Variants in PFKP observed in about 807,000 individuals in gnomAD.
The protein encoded by PFKP is phosphofructokinase, platelet.
In PFKP, 101 loss-of-function variants were observed where a neutral mutation model predicts 94.3. That is an observed-to-expected ratio of 1.07 (90% CI 0.91 to 1.26). The LOEUF is 1.26. Ranked by LOEUF, PFKP falls within the 50% of genes most tolerant of loss-of-function variation. The probability of loss-of-function intolerance (pLI) is 0.00; values close to 1 mark genes in which losing one functional copy is unlikely to be tolerated. For synonymous variants in PFKP, 573 were observed against 432.6 expected (o/e 1.32, Z -4.03); for missense variants, 1,145 against 1,103.3 (o/e 1.04, Z -0.53).
At chr10:3,102,291 C>G (rs968340654) in intron 4 of PFKP, among the ~76,000 whole-genome samples, 2 of 145,716 alleles carry the variant, frequency 1.4e-5, no homozygotes, top group East Asian at 2.0e-4. Flanking sequence ...TGCCACAGGA[C>G]TTTAATTTAT....
chr10:3,103,817 C>A lies in PFKP; in HGVS notation c.493C>A (p.Leu165Ile). ...DKEAVQKYAY[L>I]NVVGMVGSID... ...GGAGGCCGTGCAGAAGTACGCCTACCTCAACGTGGTGGGCATGGTGGGCTC... is the reference window on the plus strand; with the variant it reads ...GGAGGCCGTGCAGAAGTACGCCTACATCAACGTGGTGGGCATGGTGGGCTC... The change falls in exon 5 of 22, where the codon CTC (leucine) becomes ATC (isoleucine). Residue 165 changes from leucine (L) to isoleucine (I), a missense_variant. This residue lies in a region of PFKP where 1,119 missense variants were observed against 1,062.8 expected (regional missense o/e 1.05). Transcript: ENST00000381125. 4 of 1,614,032 alleles carry A rather than the reference C, an allele frequency of 2.5e-6. No homozygotes were observed. Among genetic ancestry groups the A allele is most frequent in the Non-Finnish European group, 3.4e-6 (4 of 1,180,034 alleles).
At chr10:3,103,102 A>G (rs1247169452) in intron 4 of PFKP, among the ~76,000 whole-genome samples, 1 of 152,222 alleles carries the variant, frequency 6.6e-6, no homozygotes, top group Non-Finnish European at 1.5e-5. Flanking sequence ...AAGATGGCCT[A>G]GTGTCTTAGA....
At chr10:3,122,383 A>AG (rs1249195884) in intron 16 of PFKP, among the ~76,000 whole-genome samples, 1 of 151,000 alleles carries the variant, frequency 6.6e-6, no homozygotes, top group East Asian at 1.9e-4. Flanking sequence ...AAAGCCGCTG[A>AG]GGGTCCCTCT....
intron 5 of PFKP, chr10:3,104,589 T>C (rs1835356746): frequency 5.0e-6 from 1 of 198,288 alleles, no homozygotes; most frequent in African/African-American, 2.4e-5. Context: ...ACATTCTCAG[T>C]GCGTGGGCGT....
intron 1 of PFKP, chr10:3,069,516 A>G (rs1389739493): frequency 3.8e-6 from 3 of 799,362 alleles, no homozygotes; most frequent in African/African-American, 1.7e-5. Context: ...AACCTTTGGC[A>G]CAGGAAGAGG....
intron 13 of PFKP, among the ~76,000 whole-genome samples, chr10:3,116,302 C>T (rs372882679): frequency 1.2e-3 from 177 of 152,290 alleles, no homozygotes; most frequent in African/African-American, 2.5e-3. Context: ...AGCTGGGGTT[C>T]GAGCCCCACG....
intron 5 of PFKP, among the ~76,000 whole-genome samples, 186 bp downstream of exon 5, chr10:3,104,130 A>G (rs1476209757): frequency 6.6e-6 from 1 of 152,246 alleles, no homozygotes; most frequent in African/African-American, 2.4e-5. Flanking sequence ...ATTTTAAAAC[A>G]TTCCTTGTTT....
intron 1 of PFKP, among the ~76,000 whole-genome samples, chr10:3,071,061 C>T (rs1471720299): frequency 1.3e-5 from 2 of 152,102 alleles, no homozygotes; most frequent in Non-Finnish European, 2.9e-5. Flanking sequence ...TCCACCATCT[C>T]CACCATGTTT....
chr10:3,067,750 G>A, intron 1 of PFKP, 43 bp downstream of exon 1: 1 of 1,088,534 alleles, frequency 9.2e-7, no homozygotes, highest in Non-Finnish European at 1.3e-6. Flanking sequence ...ACGGACGGAC[G>A]GAGCTGGGGA....
At chr10:3,126,836 C>T (rs563725742) in intron 16 of PFKP, among the ~76,000 whole-genome samples, 87 of 152,388 alleles carry the variant, frequency 5.7e-4, no homozygotes, top group African/African-American at 1.8e-3. Context: ...AATTTCTCAG[C>T]AGCAGGATCG....
At chr10:3,071,367 G>C (rs938865195) in intron 1 of PFKP, among the ~76,000 whole-genome samples, 3 of 136,026 alleles carry the variant, frequency 2.2e-5, no homozygotes, top group African/African-American at 9.1e-5. Context: ...TTCTCAGGCT[G>C]TTTTTGTTTG....
chr10:3,129,987 T>C lies in PFKP; in HGVS notation c.1848+4T>C, dbSNP rs1165552464. On this transcript the variant is annotated splice_donor_region_variant and intron_variant, in intron 17 of 21. Transcript: ENST00000381125. ...CTTCGACATCAGGGATCTGCAGGTA[T>C]GTGACGGGGCTGGCCTCAGGGCCCG... 3.8e-6 allele frequency: 6 copies of C among 1,569,176 alleles called. No individual in the cohort carries two copies. Among genetic ancestry groups the C allele is most frequent in the African/African-American group, 1.3e-5 (1 of 74,390 alleles).
chr10:3,136,623 G>A lies in PFKP; in HGVS notation c.*44G>A, dbSNP rs9063. On this transcript the variant is annotated 3_prime_UTR_variant, in exon 22 of 22. Coordinates refer to ENST00000381125, the MANE Select transcript of PFKP (RefSeq NM_002627.5). Reference sequence around the variant, plus strand: ...TGCCTGCAGCCACCGTGGACTGTCTGTTTTTGTAACACTTAAGTTATTTTA... The same window carrying A: ...TGCCTGCAGCCACCGTGGACTGTCTATTTTTGTAACACTTAAGTTATTTTA... 3 of 1,594,520 alleles carry A rather than the reference G, an allele frequency of 1.9e-6. No homozygotes were observed. Among genetic ancestry groups the A allele is most frequent in the Non-Finnish European group, 2.6e-6 (3 of 1,167,278 alleles).
intron 1 of PFKP, among the ~76,000 whole-genome samples, chr10:3,081,868 G>GT (rs1192789004): frequency 6.6e-6 from 1 of 151,928 alleles, no homozygotes; most frequent in Non-Finnish European, 1.5e-5. Flanking sequence ...TCTTCTCAAG[G>GT]GGGGCCTCCC....
chr10:3,121,793 C>CTT (rs140725084), intron 16 of PFKP, among the ~76,000 whole-genome samples: 1 of 96,878 alleles, frequency 1.0e-5, no homozygotes, highest in Non-Finnish European at 2.0e-5. Flanking sequence ...TAAACAATTT[C>CTT]TTTTTTTTTC....
In PFKP at chr10:3,136,796, A is replaced by C; in HGVS notation, c.*217A>C. 1 of 435,202 alleles carries C rather than the reference A, an allele frequency of 2.3e-6. No individual in the cohort carries two copies. Among genetic ancestry groups the C allele is most frequent in the South Asian group, 2.5e-5 (1 of 39,902 alleles). 27.0% of individuals were successfully genotyped at this position (435,202 alleles called of 1,614,324 possible). A position where few individuals can be genotyped will look rare whatever the true frequency, so the allele number is the denominator to read the frequency against. ...AGAATTAATTAAACATTTGCCTATG[A>C]CTCCAACAGTCCTCTGTTTTAGTTT... On this transcript the variant is annotated 3_prime_UTR_variant, in exon 22 of 22. Transcript: ENST00000381125.
At chr10:3,102,834 C>G (rs1397222485) in intron 4 of PFKP, among the ~76,000 whole-genome samples, 1 of 152,248 alleles carries the variant, frequency 6.6e-6, no homozygotes, top group Non-Finnish European at 1.5e-5. Flanking sequence ...TGAACATCCT[C>G]GTAGGGGATG....
chr10:3,102,143 T>C (rs867860079), intron 4 of PFKP, among the ~76,000 whole-genome samples: 395 of 143,280 alleles, frequency 2.8e-3, no homozygotes, highest in Middle Eastern at 7.4e-3. Context: ...CCCAGCTACT[T>C]GGGAGGCTGA....
intron 4 of PFKP, among the ~76,000 whole-genome samples, chr10:3,102,263 A>AAAAAAAAAAAAC (rs1564300795): frequency 1.4e-5 from 2 of 146,836 alleles, no homozygotes; most frequent in African/African-American, 2.5e-5. Context: ...AAAAAAAAAA[A>AAAAAAAAAAAAC]AAAAAAAAAA....
Sources: gnomAD v4.1 joint callset for allele counts (sites outside exome capture counted in the v4.1 genomes callset) on GRCh38, gnomAD v4.1.1 for gene constraint, gnomAD v4.1.1 regional missense constraint, MANE v1.5 for transcripts, NCBI Gene and HGNC (gene_info 2026-07-23, HGNC 2026-07-21) for gene names.